Variants in PSMG2 observed in about 807,000 individuals in gnomAD.
PSMG2 encodes proteasome assembly chaperone 2.
Under a neutral mutation model 31.5 loss-of-function variants are expected in PSMG2, and 21 were observed. The observed-to-expected ratio is 0.67, with a 90% confidence interval of 0.47 to 0.96. The LOEUF is 0.96. Among genes scored for constraint, PSMG2 ranks in the 40% least tolerant of loss-of-function variants. The pLI is 0.00. For missense variants in PSMG2, 318 were observed against 321.2 expected, an observed-to-expected ratio of 0.99 and a Z score of 0.08; for synonymous variants, 120 against 110.4, an observed-to-expected ratio of 1.09 and a Z score of -0.54.
At chr18:12,723,504 TCTC>T (rs957867299) in intron 5 of PSMG2, among the ~76,000 whole-genome samples, 4 of 152,078 alleles carry the variant, frequency 2.6e-5, no homozygotes, top group Non-Finnish European at 5.9e-5. Flanking sequence ...CTCACGCAGT[TCTC>T]CTGCCTCAGC....
At chr18:12,686,330 G>T (rs1256042478) in intron 1 of PSMG2, 1 of 1,614,044 alleles carries the variant, frequency 6.2e-7, no homozygotes, top group Non-Finnish European at 8.5e-7. Flanking sequence ...CCAATAACAG[G>T]GGCTCGTTCA....
chr18:12,702,561 C>T, upstream of PSMG2: 1 of 1,560,312 alleles, frequency 6.4e-7, no homozygotes. Flanking sequence ...TGGCAGCCGG[C>T]GTCTCCCCGC....
chr18:12,720,173 A>C (rs1211357821), intron 4 of PSMG2, among the ~76,000 whole-genome samples: 5 of 152,226 alleles, frequency 3.3e-5, no homozygotes, highest in African/African-American at 1.2e-4. Context: ...TTAGACACCT[A>C]TAAAACCAGG....
rs1272486022 is a variant in PSMG2, at chr18:12,724,880, T to G, written c.702+261T>G. On this transcript the variant is annotated intron_variant, in intron 6 of 6. Coordinates refer to ENST00000317615, the MANE Select transcript of PSMG2 (RefSeq NM_020232.5). ...ATTGTACTTACTATTCATGTTAGAT[T>G]AATTATGCCAGACATAGTCTTGCAA... The G allele has an allele frequency of 9.8e-6, 4 of 407,862 alleles. No homozygotes were observed. The East Asian group carries it at 1.1e-4, about 11-fold the overall frequency. The allele number at this position is 407,862 out of a possible 1,614,324, so 25.3% of individuals were successfully genotyped here.
At chr18:12,695,852 C>CCACACACACACACACACACA (rs375916938) in intron 1 of PSMG2, among the ~76,000 whole-genome samples, 1 of 148,284 alleles carries the variant, frequency 6.7e-6, no homozygotes, top group African/African-American at 2.5e-5. Context: ...CATTCCTTCT[C>CCACACACACACACACACACA]CACACACACA....
intron 1 of PSMG2, among the ~76,000 whole-genome samples, chr18:12,677,025 C>T (rs1023568176): frequency 7.6e-4 from 116 of 152,218 alleles, no homozygotes; most frequent in African/African-American, 2.5e-3. Context: ...TCCCACCCCA[C>T]AGCTTCAATC....
intron 6 of PSMG2, chr18:12,724,960 T>C (rs1237881863): frequency 5.9e-6 from 2 of 337,292 alleles, no homozygotes; most frequent in African/African-American, 4.2e-5. Flanking sequence ...GTAAAAAGTA[T>C]TGCTATGTGA....
At chr18:12,712,818 CATT>C (rs45486798) in intron 3 of PSMG2, 58 bp downstream of exon 3, 47,471 of 1,338,468 alleles carry the variant, frequency 0.035, 1,384 homozygotes, top group Admixed American at 0.11. Context: ...AAATAAGTAA[CATT>C]AGGGATTAAG....
At chr18:12,717,877 A>T (rs12960623) in intron 3 of PSMG2, among the ~76,000 whole-genome samples, 51,377 of 152,030 alleles carry the variant, frequency 0.34, 10,066 homozygotes, top group Non-Finnish European at 0.45. Flanking sequence ...TTCACAGATG[A>T]CCATGTATTG....
intron 1 of PSMG2, among the ~76,000 whole-genome samples, chr18:12,705,568 AGAGAGAGAGTGTGTGTGT>A (rs756954399): frequency 6.7e-4 from 85 of 126,836 alleles, no homozygotes; most frequent in South Asian, 5.6e-4. Context: ...AGAGAGAGAG[AGAGAGAGAGTGTGTGTGT>A]GTGTGTGTGT....
At chr18:12,699,133 C>A (rs1173424545), upstream of PSMG2, 5 of 1,613,874 alleles carry the variant, frequency 3.1e-6, no homozygotes, top group Non-Finnish European at 3.4e-6. Context: ...CAGGTTCTTG[C>A]AGATGTTCCA....
At position 12,721,032 on chromosome 18, in the gene PSMG2, T is replaced by C. The variant is rs567845171; in HGVS notation, c.581+349T>C. 7.3e-5 allele frequency among the ~76,000 whole-genome samples: 11 copies of C among 151,622 alleles called. No homozygotes were observed. The South Asian group carries it at 1.7e-3, about 23-fold the overall frequency. On this transcript the variant is annotated intron_variant, in intron 5 of 6. Transcript: ENST00000317615. ...TGTATCTACTAAAAATACAAAAAAT[T>C]AGCTGGGCGTGATGGTGGGCACCTG...
chr18:12,703,125 G>A lies in PSMG2; in HGVS notation c.18G>A (p.Gly6=). 6.2e-7 allele frequency: 1 copy of A among 1,612,580 alleles called. No homozygotes were observed. The highest frequency in any genetic ancestry group is 8.5e-7 in the Non-Finnish European group (1 of 1,179,636). MFVPC[G]ESAPDLAGFT... ...CTGCGACCATGTTCGTTCCCTGCGG[G>A]GAGTCGGCCCCCGACCTTGCCGGCT... is the stretch of plus-strand genomic sequence containing the variant. Residue 6 remains glycine (G), a synonymous_variant, in exon 1 of 7, where the codon GGG becomes GGA. Transcript: ENST00000317615.
intron 1 of PSMG2, chr18:12,684,495 T>G (rs2039468649): frequency 6.6e-6 from 1 of 151,852 alleles, no homozygotes; most frequent in African/African-American, 2.4e-5. Flanking sequence ...GTTTTTTTTT[T>G]TTGAGATGGA....
chr18:12,698,178 GTATT>G (rs1479261837), upstream of PSMG2, among the ~76,000 whole-genome samples: 15 of 150,934 alleles, frequency 9.9e-5, no homozygotes, highest in East Asian at 9.6e-4. Flanking sequence ...TTATTTGTAA[GTATT>G]TATAAAAATT....
chr18:12,667,075 C>A (rs1327361687), intron 1 of PSMG2, among the ~76,000 whole-genome samples: 2 of 151,718 alleles, frequency 1.3e-5, no homozygotes, highest in Non-Finnish European at 2.9e-5. Context: ...AAAGCAAACA[C>A]TAAAAAACCC....
At chr18:12,691,391 G>A (rs1326339897) in intron 1 of PSMG2, 2 of 1,606,608 alleles carry the variant, frequency 1.2e-6, no homozygotes, top group African/African-American at 2.7e-5. Flanking sequence ...CGTGAGTTGT[G>A]TGAGGGTCGA....
chr18:12,668,633 T>TGAA (rs2038858079), intron 1 of PSMG2, among the ~76,000 whole-genome samples: 1 of 101,846 alleles, frequency 9.8e-6, no homozygotes, highest in Non-Finnish European at 2.1e-5. Flanking sequence ...AAAAAAATAG[T>TGAA]GAATGTACTT....
chr18:12,700,561 TGTTAA>T (rs2040116203), upstream of PSMG2, among the ~76,000 whole-genome samples: 1 of 152,210 alleles, frequency 6.6e-6, no homozygotes, highest in Non-Finnish European at 1.5e-5. Context: ...ATTTGTAATT[TGTTAA>T]TCATAGAGAA....
Sources: allele counts gnomAD v4.1 joint callset (sites outside exome capture counted in the v4.1 genomes callset), GRCh38; gene constraint gnomAD v4.1.1; transcripts MANE v1.5; gene names NCBI Gene and HGNC (gene_info 2026-07-23, HGNC 2026-07-21).